The following GSDME variants were observed in gnomAD, a reference collection of about 807,000 sequenced individuals.
GSDME encodes the protein gasdermin-E.
In GSDME, 44 loss-of-function variants were observed where a neutral mutation model predicts 47.5. The ratio of observed to expected loss-of-function variants is 0.93; its 90% CI spans 0.73 to 1.19. The LOEUF (loss-of-function observed/expected upper bound fraction) is 1.19, where lower values mean the gene tolerates loss of function less well. GSDME is among the 50% of genes most tolerant of loss of function. The pLI is 0.00. For synonymous variants in GSDME, 258 were observed against 252.8 expected (o/e 1.02, Z -0.20); for missense variants, 663 against 604.2 (o/e 1.10, Z -1.02).
At chr7:24,719,004 G>C in intron 4 of GSDME, 43 bp downstream of exon 4, 6 of 1,608,626 alleles carry the variant, frequency 3.7e-6, no homozygotes, top group Non-Finnish European at 5.1e-6. Flanking sequence ...AAGGTCTCCA[G>C]GACTGCTCAG....
rs1158487795 is a variant in GSDME at position 24,747,010 on chromosome 7, G to A, written c.212-2256C>T. 2.6e-5 allele frequency among the ~76,000 whole-genome samples: 4 copies of A among 152,222 alleles called. No homozygotes were observed. In the East Asian group the frequency reaches 7.7e-4, roughly 29 times the overall value. ...TCCAGGATGAGCTCTGACCCCAGAT[G>A]AGCATGCTCGGGGATTCTTCACCTG... On this transcript the variant is annotated intron_variant, in intron 2 of 9. Transcript: ENST00000645220.
Position 24,699,062 on chromosome 7 carries a change from C to G in GSDME, c.1455G>C (p.Leu485=). The G allele has an allele frequency of 6.2e-7, 1 of 1,613,968 alleles. No homozygotes were observed. Among genetic ancestry groups the G allele is most frequent in the Non-Finnish European group, 8.5e-7 (1 of 1,179,862 alleles). The change falls in exon 10 of 10, where the codon CTG becomes CTC. Residue 485 remains leucine, a synonymous_variant. Transcript: ENST00000645220. ...KVFPLLLCIT[L]NGLCALGREH... Reference sequence around the variant, plus strand: ...CTCTGCCTAAAGCACAGAGTCCATTCAGGGTTATACAAAGAAGCAGTGGGA... The same window carrying G: ...CTCTGCCTAAAGCACAGAGTCCATTGAGGGTTATACAAAGAAGCAGTGGGA...
intron 5 of GSDME, among the ~76,000 whole-genome samples, chr7:24,710,986 G>C (rs1335587218): frequency 6.6e-6 from 1 of 152,156 alleles, no homozygotes; most frequent in Non-Finnish European, 1.5e-5. Context: ...GGCAAAGCTA[G>C]TCTTTTTTCA....
At chr7:24,759,021 G>A (rs1254443252), upstream of GSDME, among the ~76,000 whole-genome samples, 9 of 152,124 alleles carry the variant, frequency 5.9e-5, no homozygotes, top group East Asian at 9.6e-4. Context: ...AGTACCCAGC[G>A]CAAAATAAGT....
rs1232350432 is a variant in GSDME at position 24,712,751 on chromosome 7, G to A, written c.698-2363C>T. ...TTAACAAGAGAGGCCAGGCACGGTG[G>A]CTCACACCTATAATCCTAACACTTT... is the stretch of plus-strand genomic sequence containing the variant. On this transcript the variant is annotated intron_variant, in intron 5 of 9. Coordinates refer to ENST00000645220, the MANE Select transcript of GSDME (RefSeq NM_001127453.2). The surrounding 1 kb of genome is among the most constrained non-coding windows in gnomAD (Gnocchi z 4.4). 1.3e-5 allele frequency among the ~76,000 whole-genome samples: 2 copies of A among 152,176 alleles called. No individual in the cohort carries two copies. The highest frequency in any genetic ancestry group is 4.8e-5 in the African/African-American group (2 of 41,444).
chr7:24,774,657 T>C, the GSDME span, among the ~76,000 whole-genome samples: 1 of 152,028 alleles, frequency 6.6e-6, no homozygotes, highest in Non-Finnish European at 1.5e-5. Context: ...CTCAGCTTCC[T>C]GAGTAGCTGG....
At chr7:24,746,964 T>C (rs1383210318) in intron 2 of GSDME, among the ~76,000 whole-genome samples, 1 of 152,194 alleles carries the variant, frequency 6.6e-6, no homozygotes, top group Non-Finnish European at 1.5e-5. Flanking sequence ...GTCACCGCCC[T>C]AACACCAACA....
In GSDME at chr7:24,749,612, A is replaced by T; in HGVS notation, c.163T>A (p.Ser55Thr). 6.2e-7 allele frequency: 1 copy of T among 1,613,990 alleles called. No individual in the cohort carries two copies. Among genetic ancestry groups the T allele is most frequent in the Non-Finnish European group, 8.5e-7 (1 of 1,180,022 alleles). ...ATGAGTACATCGCCAAGGGTGAGGGATAAAAACTGGTACTTGGGTCTCTGC... is the reference window on the plus strand; with the variant it reads ...ATGAGTACATCGCCAAGGGTGAGGGTTAAAAACTGGTACTTGGGTCTCTGC... ...CWQRPKYQFL[S>T]LTLGDVLIED... Residue 55 changes from serine (S) to threonine (T), a missense_variant, in exon 2 of 10, where the codon TCC (serine) becomes ACC (threonine). Physicochemically the swap from Ser to Thr is moderately conservative, Grantham distance 58 (BLOSUM62 1). Transcript: ENST00000645220.
chr7:24,713,722 A>T (rs759021055), intron 5 of GSDME, among the ~76,000 whole-genome samples: 10 of 152,244 alleles, frequency 6.6e-5, no homozygotes, highest in Admixed American at 2.0e-4. Flanking sequence ...AGGGTGTCTG[A>T]GCAGGTGAGT....
the GSDME span, among the ~76,000 whole-genome samples, chr7:24,781,145 G>A: frequency 6.6e-6 from 1 of 152,192 alleles, no homozygotes; most frequent in Non-Finnish European, 1.5e-5. Flanking sequence ...CCTTTCCAAG[G>A]AGATCAACAT....
At chr7:24,707,637 C>G (rs766162494) in intron 7 of GSDME, 24 of 353,036 alleles carry the variant, frequency 6.8e-5, no homozygotes, top group Non-Finnish European at 1.1e-4. Context: ...TTGGGGTGGG[C>G]CCTAAATCCA....
rs535226367 is a variant in GSDME, at chr7:24,705,996, A to T, written c.1183+188T>A. ...GGAGGCTTGTGCTGGATGGAAAGGC[A>T]CAGACTCGAGACCGAAGGGGGGTTT... On this transcript the variant is annotated intron_variant, in intron 8 of 9. Transcript: ENST00000645220. This position sits in a 1 kb window ranked among gnomAD's most constrained non-coding sequence, Gnocchi z 4.1. The T allele has an allele frequency of 0.052, 37,567 of 719,888 alleles. 1,172 individuals carry two copies. Among genetic ancestry groups the T allele is most frequent in the Non-Finnish European group, 0.06 (25,398 of 420,654 alleles). 44.6% of individuals were successfully genotyped at this position (719,888 alleles called of 1,614,324 possible).
intron 3 of GSDME, among the ~76,000 whole-genome samples, chr7:24,729,934 A>G (rs1420142312): frequency 6.6e-6 from 1 of 152,182 alleles, no homozygotes; most frequent in Non-Finnish European, 1.5e-5. Context: ...GGCCTGCACC[A>G]TTTCCCAGAG....
chr7:24,698,601 C>A lies in GSDME; in HGVS notation c.*425G>T. On this transcript the variant is annotated 3_prime_UTR_variant, in exon 10 of 10. Transcript: ENST00000645220. The stretch of plus-strand genomic sequence containing the variant: ...CAAATAACATACATCACTTCCAAAA[C>A]GTAGCCTCTTGTGTGCAGAGAAATT... The A allele has an allele frequency of 3.8e-6, 1 of 266,242 alleles. No individual in the cohort carries two copies. Among genetic ancestry groups the A allele is most frequent in the Non-Finnish European group, 7.3e-6 (1 of 137,010 alleles). The allele number at this position is 266,242 out of a possible 1,614,324, so 16.5% of individuals were successfully genotyped here.
At chr7:24,752,012 C>T (rs1015123215) in intron 1 of GSDME, among the ~76,000 whole-genome samples, 4 of 152,142 alleles carry the variant, frequency 2.6e-5, no homozygotes, top group African/African-American at 7.2e-5. Flanking sequence ...CTCCTGAAGT[C>T]GATGACATCC....
At chr7:24,704,885 GCCATGTTC>G (rs1789032380) in intron 8 of GSDME, 1 of 152,182 alleles carries the variant, frequency 6.6e-6, no homozygotes, top group South Asian at 2.1e-4. Flanking sequence ...ATGAGGTCTT[GCCATGTTC>G]CCTAGGCTGG....
In GSDME at chr7:24,710,388, T is replaced by C. The variant is rs749755230; in HGVS notation, c.698A>G (p.Glu233Gly). 1.9e-6 allele frequency: 3 copies of C among 1,614,210 alleles called. No homozygotes were observed. The highest frequency in any genetic ancestry group is 2.5e-6 in the Non-Finnish European group (3 of 1,180,028). ...ELYVKLDGQF[E>G]FCLLRGKQGG... ...TTGCTTCCCTCGGAGAAGGCAGAAC[T>C]CTGTAGTGCAGGAGAAAAGGACAAG... Residue 233 changes from glutamate (E) to glycine (G), a missense_variant and splice_region_variant, in exon 6 of 10, where the codon GAG (glutamate) becomes GGG (glycine). Transcript: ENST00000645220.
rs975158321 is a variant in GSDME at position 24,716,040 on chromosome 7, C to T, written c.697+1214G>A. On this transcript the variant is annotated intron_variant, in intron 5 of 9. Coordinates refer to ENST00000645220, the MANE Select transcript of GSDME (RefSeq NM_001127453.2). This position sits in a 1 kb window ranked among gnomAD's most constrained non-coding sequence, Gnocchi z 4.5. ...AGTCCCTCTAGTGGCTGCTGAATGG[C>T]GTAGTGACTCATGTGGGCTTAGCGA... 2.0e-5 allele frequency among the ~76,000 whole-genome samples: 3 copies of T among 152,250 alleles called. No individual in the cohort carries two copies. Among genetic ancestry groups the T allele is most frequent in the East Asian group, 1.9e-4 (1 of 5,182 alleles).
At chr7:24,782,019 T>A in the GSDME span, among the ~76,000 whole-genome samples, 1 of 152,182 alleles carries the variant, frequency 6.6e-6, no homozygotes, top group South Asian at 2.1e-4. Context: ...TGGCTGAGAT[T>A]ACAGAAATGA....
Sources: gnomAD v4.1 joint callset for allele counts (sites outside exome capture counted in the v4.1 genomes callset) on GRCh38, gnomAD v4.1.1 for gene constraint, Gnocchi (gnomAD v3.1) non-coding constraint, MANE v1.5 for transcripts, NCBI Gene and HGNC (gene_info 2026-07-23, HGNC 2026-07-21) for gene names.